Variants in DCAF6 observed in about 807,000 individuals in gnomAD.
DCAF6 encodes DDB1- and CUL4-associated factor 6.
DCAF6 carries 54 observed loss-of-function variants against 125.1 expected under a neutral mutation model. The observed-to-expected ratio is 0.43, with a 90% CI of 0.35 to 0.54. The LOEUF (loss-of-function observed/expected upper bound fraction) is 0.54. DCAF6 is among the 20% of genes least tolerant of loss of function. The probability of loss-of-function intolerance (pLI) is 0.01; values close to 1 mark genes in which losing one functional copy is unlikely to be tolerated. For missense variants in DCAF6, 934 were observed against 1,161.7 expected, an observed-to-expected ratio of 0.80 and a Z score of 2.85; for synonymous variants, 371 against 390.4, an observed-to-expected ratio of 0.95 and a Z score of 0.58.
the DCAF6 span, among the ~76,000 whole-genome samples, chr1:167,873,053 G>A: frequency 6.6e-6 from 1 of 151,908 alleles, no homozygotes; most frequent in Non-Finnish European, 1.5e-5. Flanking sequence ...CTGGGCGACA[G>A]AGTGAGACTC....
chr1:168,049,438 T>TTC (rs1689582789), intron 16 of DCAF6, among the ~76,000 whole-genome samples: 1 of 146,246 alleles, frequency 6.8e-6, no homozygotes, highest in Non-Finnish European at 1.5e-5. Flanking sequence ...GTTGTTTTTT[T>TTC]TTTTTTTTTT....
chr1:167,909,526 T>G, the DCAF6 span, among the ~76,000 whole-genome samples: 1 of 151,738 alleles, frequency 6.6e-6, no homozygotes, highest in African/African-American at 2.4e-5. Flanking sequence ...ATTTGTAAAC[T>G]TTCTTAAAAC....
chr1:168,023,695 CAG>C (rs1254249635), intron 12 of DCAF6: 2 of 152,450 alleles, frequency 1.3e-5, no homozygotes, highest in Non-Finnish European at 2.9e-5. Flanking sequence ...AAATATAGCA[CAG>C]AGAAGGATTA....
At position 167,936,715 on chromosome 1, in the gene DCAF6, G is replaced by T; in HGVS notation, c.-197G>T. Reference sequence around the variant, plus strand: ...CTGGTTAGTCTAAGAAGGAGAGTATGAGGCGAGCTCCGGCCCGGGTGCGGC... The same window carrying T: ...CTGGTTAGTCTAAGAAGGAGAGTATTAGGCGAGCTCCGGCCCGGGTGCGGC... On this transcript the variant is annotated 5_prime_UTR_variant, in exon 1 of 22. The change abolishes an upstream ATG in the 5' untranslated region. Coordinates refer to ENST00000367840, the MANE Select transcript of DCAF6 (RefSeq NM_001198956.2). 1 of 586,496 alleles carries T rather than the reference G, an allele frequency of 1.7e-6. No homozygotes were observed. Among genetic ancestry groups the T allele is most frequent in the Non-Finnish European group, 3.0e-6 (1 of 328,698 alleles). The allele number at this position is 586,496 out of a possible 1,614,324, so 36.3% of individuals were successfully genotyped here. A position where few individuals can be genotyped will look rare whatever the true frequency, so the allele number is the denominator to read the frequency against.
At chr1:168,044,696 G>T (rs1448797140) in intron 15 of DCAF6, 25 bp downstream of exon 15, 25 of 1,561,662 alleles carry the variant, frequency 1.6e-5, no homozygotes, top group Non-Finnish European at 2.1e-5. Context: ...TTAGATAATT[G>T]CTTTGTATGG....
At chr1:168,022,842 T>C (rs1225134349) in intron 11 of DCAF6, 146 bp from the exon 12 acceptor site, 6 of 712,958 alleles carry the variant, frequency 8.4e-6, no homozygotes, top group Non-Finnish European at 1.5e-5. Flanking sequence ...ATGGCCCTGC[T>C]TACTCACTGC....
the DCAF6 span, among the ~76,000 whole-genome samples, chr1:167,910,289 A>G: frequency 1.3e-5 from 2 of 152,368 alleles, no homozygotes; most frequent in South Asian, 2.1e-4. Flanking sequence ...AAGATACATA[A>G]AAGTGTTCAA....
At chr1:167,937,442 C>T (rs1386494434) in intron 1 of DCAF6, among the ~76,000 whole-genome samples, 1 of 152,114 alleles carries the variant, frequency 6.6e-6, no homozygotes, top group Non-Finnish European at 1.5e-5. Context: ...GTTTAGGTGT[C>T]GGCTGCGACG....
At chr1:168,033,462 C>G (rs1453682209) in intron 12 of DCAF6, among the ~76,000 whole-genome samples, 1 of 151,878 alleles carries the variant, frequency 6.6e-6, no homozygotes, top group Non-Finnish European at 1.5e-5. Flanking sequence ...ACTACAGGCG[C>G]CCGCCACCGC....
chr1:167,984,257 C>A (rs575901169), intron 4 of DCAF6, among the ~76,000 whole-genome samples: 1 of 152,274 alleles, frequency 6.6e-6, no homozygotes, highest in Admixed American at 6.5e-5. Context: ...AGTGCTTCTT[C>A]TGTAACATTC....
chr1:167,951,329 C>T (rs954898080), intron 1 of DCAF6, among the ~76,000 whole-genome samples: 4 of 152,182 alleles, frequency 2.6e-5, no homozygotes, highest in African/African-American at 9.7e-5. Flanking sequence ...AATCCTAGCA[C>T]TTTGGGAGGC....
chr1:168,008,690 T>C (rs1189829623), intron 10 of DCAF6, among the ~76,000 whole-genome samples: 3 of 152,120 alleles, frequency 2.0e-5, no homozygotes, highest in Non-Finnish European at 4.4e-5. Context: ...ACTGTGGACG[T>C]ATAAGAATTT....
intron 2 of DCAF6, 78 bp downstream of exon 2, chr1:167,951,939 C>T (rs1674009834): frequency 1.2e-5 from 10 of 853,988 alleles, no homozygotes; most frequent in Non-Finnish European, 3.8e-6. Flanking sequence ...TCCCAATCCT[C>T]CCAGAAAGGA....
At chr1:167,984,731 T>TA (rs1679696905) in intron 4 of DCAF6, among the ~76,000 whole-genome samples, 1 of 152,236 alleles carries the variant, frequency 6.6e-6, no homozygotes, top group Non-Finnish European at 1.5e-5. Context: ...ATACTTTTTA[T>TA]ATATTTTTTG....
the DCAF6 span, among the ~76,000 whole-genome samples, chr1:167,894,912 C>T: frequency 3.3e-5 from 5 of 152,200 alleles, no homozygotes; most frequent in East Asian, 1.9e-4. Context: ...AGGCCGAGCA[C>T]GGTGGCTCAC....
chr1:167,904,370 G>C, the DCAF6 span, among the ~76,000 whole-genome samples: 3 of 152,102 alleles, frequency 2.0e-5, no homozygotes, highest in East Asian at 5.8e-4. Flanking sequence ...GCAGGCGTGA[G>C]CCACCGAACC....
intron 2 of DCAF6, among the ~76,000 whole-genome samples, chr1:167,952,868 T>C (rs1674184136): frequency 6.6e-6 from 1 of 152,238 alleles, no homozygotes; most frequent in South Asian, 2.1e-4. Context: ...ATTTTTATTA[T>C]AAAAATTTCA....
intron 3 of DCAF6, among the ~76,000 whole-genome samples, chr1:167,970,386 C>T (rs945437122): frequency 6.6e-6 from 1 of 152,154 alleles, no homozygotes; most frequent in Non-Finnish European, 1.5e-5. Context: ...GTGTGTGGCT[C>T]ACGCTTATAA....
chr1:168,038,530 A>G (rs753443654), intron 13 of DCAF6, 42 bp downstream of exon 13: 1 of 1,380,220 alleles, frequency 7.2e-7, no homozygotes, highest in South Asian at 1.3e-5. Flanking sequence ...GCCATTTTGT[A>G]GGATTGTATT....
Sources: allele counts gnomAD v4.1 joint callset (sites outside exome capture counted in the v4.1 genomes callset), GRCh38; gene constraint gnomAD v4.1.1; transcripts MANE v1.5; gene names NCBI Gene and HGNC (gene_info 2026-07-23, HGNC 2026-07-21).